UBA3: variants seen among roughly 807,000 people sequenced by gnomAD.
UBA3 encodes the protein NEDD8-activating enzyme E1 catalytic subunit.
UBA3 carries 26 observed loss-of-function variants against 73.5 expected under a neutral mutation model. The observed-to-expected ratio is 0.35, with a 90% CI of 0.26 to 0.49. The LOEUF (loss-of-function observed/expected upper bound fraction) is 0.49, where lower values mean the gene tolerates loss of function less well. Among genes scored for constraint, UBA3 ranks in the 20% least tolerant of loss-of-function variants. The pLI, the probability that UBA3 is intolerant of heterozygous loss-of-function variation, is 0.98. For synonymous variants in UBA3, 217 were observed against 191.2 expected, an observed-to-expected ratio of 1.13 and a Z score of -1.11; for missense variants, 495 against 555.6, an observed-to-expected ratio of 0.89 and a Z score of 1.10.
chr3:69,071,467 T>A, intron 5 of UBA3, 68 bp downstream of exon 5: 1 of 806,390 alleles, frequency 1.2e-6, no homozygotes, highest in African/African-American at 1.8e-5. Context: ...ATTATTAAAC[T>A]GCAATGTACA....
intron 6 of UBA3, among the ~76,000 whole-genome samples, chr3:69,066,553 C>T (rs1575838470): frequency 6.6e-6 from 1 of 152,160 alleles, no homozygotes; most frequent in Middle Eastern, 3.4e-3. Flanking sequence ...AAGCGATTCT[C>T]CCACCTCAGC....
At chr3:69,059,147 A>G (rs368939923) in intron 11 of UBA3, among the ~76,000 whole-genome samples, 45 of 152,346 alleles carry the variant, frequency 3.0e-4, no homozygotes, top group African/African-American at 1.0e-3. Flanking sequence ...AATACTTGGA[A>G]CACCTCAGAT....
intron 6 of UBA3, among the ~76,000 whole-genome samples, chr3:69,065,227 C>CA (rs1312929136): frequency 6.6e-6 from 1 of 152,020 alleles, no homozygotes; most frequent in African/African-American, 2.4e-5. Flanking sequence ...GAGTGCCCCC[C>CA]ACTAACCAAC....
intron 3 of UBA3, 137 bp downstream of exon 3, chr3:69,077,661 T>C (rs918723407): frequency 4.3e-6 from 4 of 924,652 alleles, no homozygotes; most frequent in South Asian, 2.3e-5. Context: ...TTCAATCTCA[T>C]ATTTTAAGAA....
chr3:69,060,742 C>T (rs940403948), intron 11 of UBA3, among the ~76,000 whole-genome samples: 6 of 152,162 alleles, frequency 3.9e-5, no homozygotes, highest in Admixed American at 6.5e-5. Flanking sequence ...GGTGTTTGGA[C>T]CGTTAGGGCA....
Position 69,061,795 on chromosome 3 carries a change from T to C in UBA3, c.910+19A>G, listed in dbSNP as rs368923368. ...TAAGTCATCCCAACATCATAATTCATGACAATTTGCTGACTTACCTTGAGT... is the reference window on the plus strand; with the variant it reads ...TAAGTCATCCCAACATCATAATTCACGACAATTTGCTGACTTACCTTGAGT... On this transcript the variant is annotated intron_variant, in intron 11 of 17. Transcript: ENST00000361055. The C allele has an allele frequency of 1.3e-6, 2 of 1,505,724 alleles. No individual in the cohort carries two copies. Among genetic ancestry groups the C allele is most frequent in the Non-Finnish European group, 9.1e-7 (1 of 1,098,638 alleles). 93.3% of individuals were successfully genotyped at this position (1,505,724 alleles called of 1,614,324 possible).
In UBA3 at chr3:69,056,793, A is replaced by G; in HGVS notation, c.987T>C (p.Phe329=). Residue 329 remains phenylalanine, a synonymous_variant, in exon 13 of 18, where the codon TTT becomes TTC. Coordinates refer to ENST00000361055, the MANE Select transcript of UBA3 (RefSeq NM_003968.4). ...VIAAVCATEV[F]KIATSAYIPL... is the part of the protein sequence containing the mutation. ...AAACCTATTACCTTGTGGCTATTTTAAAAACCTCAGTGGCACACACAGCTG... is the reference window on the plus strand; with the variant it reads ...AAACCTATTACCTTGTGGCTATTTTGAAAACCTCAGTGGCACACACAGCTG... 2.5e-6 allele frequency: 4 copies of G among 1,613,100 alleles called. No homozygotes were observed. The highest frequency in any genetic ancestry group is 1.7e-5 in the Admixed American group (1 of 59,830).
At chr3:69,056,888 G>T in intron 12 of UBA3, 73 bp from the exon 13 acceptor site, 1 of 1,485,088 alleles carries the variant, frequency 6.7e-7, no homozygotes, top group South Asian at 1.2e-5. Flanking sequence ...TTATAAATCA[G>T]AACAGATAAA....
intron 15 of UBA3, 27 bp from the exon 16 acceptor site, chr3:69,056,090 T>C (rs988289782): frequency 1.9e-6 from 3 of 1,575,564 alleles, no homozygotes; most frequent in South Asian, 2.4e-5. Context: ...GAGAGAAGTA[T>C]CAAACATAAT....
At chr3:69,058,502 A>G (rs2107481552) in intron 11 of UBA3, among the ~76,000 whole-genome samples, 1 of 152,360 alleles carries the variant, frequency 6.6e-6, no homozygotes, top group East Asian at 1.9e-4. Context: ...TTTTTTAAAA[A>G]GTTGACTGTG....
At chr3:69,079,974 A>G in intron 2 of UBA3, 138 bp downstream of exon 2, 2 of 725,428 alleles carry the variant, frequency 2.8e-6, no homozygotes, top group South Asian at 1.9e-5. Context: ...GGCGGGGATC[A>G]GGGGATGAGG....
intron 11 of UBA3, among the ~76,000 whole-genome samples, chr3:69,059,345 T>C (rs2092002943): frequency 1.3e-5 from 2 of 152,128 alleles, no homozygotes; most frequent in South Asian, 2.1e-4. Flanking sequence ...GCAATGGCAA[T>C]GGTCCTGGTC....
At chr3:69,058,236 A>G (rs1337043902) in intron 11 of UBA3, among the ~76,000 whole-genome samples, 1 of 152,200 alleles carries the variant, frequency 6.6e-6, no homozygotes, top group African/African-American at 2.4e-5. Context: ...TTCACATATT[A>G]GGAATAAACA....
chr3:69,075,188 G>T (rs1014629746), intron 4 of UBA3: 2 of 182,348 alleles, frequency 1.1e-5, no homozygotes, highest in African/African-American at 2.4e-5. Context: ...TTAAAGATCA[G>T]AGAAGAAAAC....
rs1412896067 is a variant in UBA3 at position 69,071,455 on chromosome 3, AAATT to A, written c.347+76_347+79del. 11 of 749,590 alleles carry A rather than the reference AAATT, an allele frequency of 1.5e-5. No homozygotes were observed. In the African/African-American group the frequency reaches 1.9e-4, roughly 13 times the overall value. 46.4% of individuals were successfully genotyped at this position (749,590 alleles called of 1,614,324 possible). On this transcript the variant is annotated intron_variant, in intron 5 of 17. Transcript: ENST00000361055. ...TATTATCCTCTCAAGTCATTTTTAA[AAATT>A]ATTAAACTGCAATGTACAAGTTCAA...
chr3:69,067,871 T>A, intron 6 of UBA3, 57 bp downstream of exon 6: 1 of 1,339,862 alleles, frequency 7.5e-7, no homozygotes, highest in Non-Finnish European at 1.1e-6. Flanking sequence ...ATATCTCTTA[T>A]AATAAAGGAA....
chr3:69,060,018 T>C (rs1406920017), intron 11 of UBA3, among the ~76,000 whole-genome samples: 2 of 152,024 alleles, frequency 1.3e-5, no homozygotes, highest in African/African-American at 2.4e-5. Context: ...GATAAAGAAA[T>C]ACAAAGTACC....
At chr3:69,069,030 T>A (rs2092098799) in intron 5 of UBA3, among the ~76,000 whole-genome samples, 1 of 152,236 alleles carries the variant, frequency 6.6e-6, no homozygotes, top group Non-Finnish European at 1.5e-5. Flanking sequence ...TCCTCTAAGT[T>A]CTATACAAAT....
Position 69,062,144 on chromosome 3 carries a change from G to C in UBA3, c.729C>G (p.Pro243=). The change falls in exon 10 of 18, where the codon CCC becomes CCG. Residue 243 remains proline (P), a synonymous_variant. Transcript: ENST00000361055. ...NFPMCTIASM[P]RLPEHCIEYV... ...ACTCAATACAGTGTTCTGGTAGCCT[G>C]GGCATAGATGCAATGGTGCACATGG... 2 of 1,613,532 alleles carry C rather than the reference G, an allele frequency of 1.2e-6. No individual in the cohort carries two copies. The highest frequency in any genetic ancestry group is 1.7e-6 in the Non-Finnish European group (2 of 1,179,594).
Sources: allele counts gnomAD v4.1 joint callset (sites outside exome capture counted in the v4.1 genomes callset), GRCh38; gene constraint gnomAD v4.1.1; transcripts MANE v1.5; gene names NCBI Gene and HGNC (gene_info 2026-07-23, HGNC 2026-07-21).